The following HTR2C variants were observed in gnomAD, a reference collection of about 807,000 sequenced individuals.
The protein encoded by HTR2C is 5-hydroxytryptamine receptor 2C.
Under a neutral mutation model 21.0 loss-of-function variants are expected in HTR2C, and 5 were observed. The observed-to-expected ratio is 0.24, with a 90% CI of 0.12 to 0.50. The LOEUF (loss-of-function observed/expected upper bound fraction) is 0.50, where lower values mean the gene tolerates loss of function less well. Among genes scored for constraint, HTR2C ranks in the 20% least tolerant of loss-of-function variants. HTR2C has a pLI of 0.98. For missense variants in HTR2C, 271 were observed against 371.2 expected (o/e 0.73, Z 2.22); for synonymous variants, 150 against 145.3 (o/e 1.03, Z -0.23).
At chrX:114,724,972 G>A (rs782632830) in intron 2 of HTR2C, among the ~76,000 whole-genome samples, 131 of 110,220 alleles carry the variant, frequency 1.2e-3, no homozygotes, top group African/African-American at 3.8e-3. Context: ...TTCAACTTTG[G>A]TGAATCTGAC....
chrX:114,781,684 A>G (rs782550318), intron 4 of HTR2C, among the ~76,000 whole-genome samples: 2 of 109,321 alleles, frequency 1.8e-5, no homozygotes, highest in African/African-American at 3.3e-5. Context: ...AATTTTTTGT[A>G]GAGATAGTAT....
At position 114,862,138 on chromosome X, in the gene HTR2C, C is replaced by A. The variant is rs183837730; in HGVS notation, c.550+13935C>A. Among the ~76,000 whole-genome samples the A allele has an allele frequency of 1.4e-4, 16 of 111,004 alleles. No homozygotes were observed. The East Asian group carries it at 4.5e-3, about 31-fold the overall frequency. On this transcript the variant is annotated intron_variant, in intron 5 of 5. Transcript: ENST00000276198. ...TAGTGTTGTATGTAGGCCTTTTATA[C>A]ATTTTGAGTTGATTTTTGTGCATGA...
At chrX:114,620,149 T>C (rs1454364257) in intron 2 of HTR2C, among the ~76,000 whole-genome samples, 1 of 111,759 alleles carries the variant, frequency 8.9e-6, no homozygotes, top group Non-Finnish European at 1.9e-5. Flanking sequence ...CAAAGGGTTG[T>C]ATATGTGAGC....
At position 114,828,667 on chromosome X, in the gene HTR2C, A is replaced by C. The variant is rs1157970473; in HGVS notation, c.350-19336A>C. Among the ~76,000 whole-genome samples, 8 of 111,834 alleles carry C rather than the reference A, an allele frequency of 7.2e-5. No homozygotes were observed. The Admixed American group carries it at 7.6e-4, about 11-fold the overall frequency. On this transcript the variant is annotated intron_variant, in intron 4 of 5. Coordinates refer to ENST00000276198, the MANE Select transcript of HTR2C (RefSeq NM_000868.4). ...TGATGTCCAACCGTCATCTCTATCC[A>C]GTACCAAGATATTTTATCACTACTT...
rs1342371089 is a variant in HTR2C, at chrX:114,880,499, A to C, written c.551-26090A>C. 5.4e-5 allele frequency among the ~76,000 whole-genome samples: 6 copies of C among 110,601 alleles called. No homozygotes were observed. The East Asian group carries it at 1.7e-3, about 31-fold the overall frequency. ...TTTTAATATATTAATAGATGAATGC[A>C]AATATGACCATCATCAATTCTAAAA... On this transcript the variant is annotated intron_variant, in intron 5 of 5. Transcript: ENST00000276198.
chrX:114,638,947 C>T (rs956078305), intron 2 of HTR2C, among the ~76,000 whole-genome samples: 15 of 110,049 alleles, frequency 1.4e-4, no homozygotes, highest in African/African-American at 5.0e-4. Flanking sequence ...TGGATTGGTT[C>T]CAAGTCTGTT....
intron 2 of HTR2C, among the ~76,000 whole-genome samples, chrX:114,662,014 A>G (rs909935233): frequency 4.5e-5 from 5 of 111,948 alleles, no homozygotes; most frequent in Non-Finnish European, 5.6e-5. Context: ...TACACAGTCA[A>G]TATGTTATTT....
At chrX:114,846,012 C>CA (rs1456208187) in intron 4 of HTR2C, among the ~76,000 whole-genome samples, 3 of 109,025 alleles carry the variant, frequency 2.8e-5, no homozygotes, top group African/African-American at 1.0e-4. Flanking sequence ...GATCCTATCT[C>CA]AAAAAAAATT....
intron 2 of HTR2C, among the ~76,000 whole-genome samples, chrX:114,725,748 C>T (rs1556421740): frequency 1.8e-5 from 2 of 110,692 alleles, no homozygotes; most frequent in Admixed American, 9.6e-5. Context: ...GGACCCTCAG[C>T]TGCAGGTCTT....
At chrX:114,883,939 C>A (rs1403299043) in intron 5 of HTR2C, among the ~76,000 whole-genome samples, 1 of 110,170 alleles carries the variant, frequency 9.1e-6, no homozygotes, top group African/African-American at 3.3e-5. Context: ...TTCAAACCAT[C>A]CTAACCTCTG....
At chrX:114,756,492 C>T (rs934757642) in intron 4 of HTR2C, among the ~76,000 whole-genome samples, 26 of 111,941 alleles carry the variant, frequency 2.3e-4, no homozygotes, top group African/African-American at 7.8e-4. Context: ...TGGAATACCA[C>T]GCAGCAATAA....
At chrX:114,806,661 A>G (rs898313097) in intron 4 of HTR2C, among the ~76,000 whole-genome samples, 11 of 98,274 alleles carry the variant, frequency 1.1e-4, no homozygotes, top group African/African-American at 3.7e-4. Flanking sequence ...ATATATATAC[A>G]CTATATATAC....
At chrX:114,863,552 A>T (rs2071022222) in intron 5 of HTR2C, among the ~76,000 whole-genome samples, 1 of 111,460 alleles carries the variant, frequency 9.0e-6, no homozygotes, top group Non-Finnish European at 1.9e-5. Context: ...TTGCAGCCTA[A>T]CATATGGTCT....
At chrX:114,631,374 C>G (rs1387777194) in intron 2 of HTR2C, among the ~76,000 whole-genome samples, 1 of 111,198 alleles carries the variant, frequency 9.0e-6, no homozygotes, top group African/African-American at 3.3e-5. Flanking sequence ...ATATTATCCT[C>G]GCTATTACAT....
At chrX:114,636,068 GT>G (rs199651941) in intron 2 of HTR2C, among the ~76,000 whole-genome samples, 4,830 of 91,620 alleles carry the variant, frequency 0.053, 298 homozygotes, top group African/African-American at 0.18. Context: ...CTGTGCAATG[GT>G]TTTTTTTTTT....
chrX:114,854,519 G>A (rs1194609578), intron 5 of HTR2C, among the ~76,000 whole-genome samples: 2 of 110,303 alleles, frequency 1.8e-5, no homozygotes, highest in African/African-American at 6.6e-5. Flanking sequence ...ACTCGGTAAC[G>A]TACAATGTAC....
chrX:114,594,083 TTAA>T (rs200422576), intron 1 of HTR2C, among the ~76,000 whole-genome samples: 2,266 of 111,826 alleles, frequency 0.02, 64 homozygotes, highest in African/African-American at 0.07. Flanking sequence ...TCTTTGGCTA[TTAA>T]TAATAAGTAA....
intron 2 of HTR2C, among the ~76,000 whole-genome samples, chrX:114,725,221 A>T (rs1252983631): frequency 9.0e-6 from 1 of 110,639 alleles, no homozygotes; most frequent in Non-Finnish European, 1.9e-5. Flanking sequence ...GTTTCTTTTT[A>T]TTCTTTTTTC....
chrX:114,712,421 C>T (rs144889620), intron 2 of HTR2C, among the ~76,000 whole-genome samples: 1,387 of 111,637 alleles, frequency 0.012, 6 homozygotes, highest in Non-Finnish European at 0.02. Flanking sequence ...CCTATTTAGT[C>T]CCTGATCTTG....
Sources: allele counts gnomAD v4.1 joint callset (sites outside exome capture counted in the v4.1 genomes callset), GRCh38; gene constraint gnomAD v4.1.1; transcripts MANE v1.5; gene names NCBI Gene and HGNC (gene_info 2026-07-23, HGNC 2026-07-21).